SYNE2: variants seen among roughly 807,000 people sequenced by gnomAD.
SYNE2 encodes the protein spectrin repeat containing nuclear envelope protein 2.
In SYNE2, 431 loss-of-function variants were observed where a neutral mutation model predicts 856.3. That is an observed-to-expected ratio of 0.50 (90% CI 0.47 to 0.55). SYNE2 has a LOEUF of 0.55. SYNE2 is among the 20% of genes least tolerant of loss of function. SYNE2 has a pLI of 0.00. For missense variants in SYNE2, 8,129 were observed against 8,023.2 expected, an observed-to-expected ratio of 1.01 and a Z score of -0.50; for synonymous variants, 2,923 against 2,872.3, an observed-to-expected ratio of 1.02 and a Z score of -0.56.
rs746666363 is a variant in SYNE2 at position 64,091,141 on chromosome 14, C to A, written c.11976+93C>A. On this transcript the variant is annotated intron_variant, in intron 60 of 115. Coordinates refer to ENST00000555002, the MANE Select transcript of SYNE2 (RefSeq NM_182914.3). ...ACTTCTAATTGAAATTCATTATTATCCTATTATTGTAGGAGGTGGCATTTG... is the reference window on the plus strand; with the variant it reads ...ACTTCTAATTGAAATTCATTATTATACTATTATTGTAGGAGGTGGCATTTG... The A allele has an allele frequency of 8.7e-4, 1,036 of 1,187,634 alleles. 2 individuals are homozygous for A. Among genetic ancestry groups the A allele is most frequent in the Non-Finnish European group, 1.1e-3 (916 of 816,336 alleles). 73.6% of individuals were successfully genotyped at this position (1,187,634 alleles called of 1,614,324 possible).
chr14:64,003,444 C>A, intron 30 of SYNE2, 114 bp downstream of exon 30: 1 of 1,060,738 alleles, frequency 9.4e-7, no homozygotes, highest in Non-Finnish European at 1.3e-6. Context: ...CCATCCCACT[C>A]TATTCAGTGT....
chr14:63,913,548 C>T (rs1204019288), intron 2 of SYNE2, among the ~76,000 whole-genome samples: 7 of 151,104 alleles, frequency 4.6e-5, no homozygotes, highest in Admixed American at 1.3e-4. Context: ...CTGCAACCTC[C>T]GCCTCCAGAG....
Position 64,146,149 on chromosome 14 carries a change from C to A in SYNE2, c.15565C>A (p.Gln5189Lys). The A allele has an allele frequency of 1.2e-6, 2 of 1,612,364 alleles. No individual in the cohort carries two copies. Among genetic ancestry groups the A allele is most frequent in the Non-Finnish European group, 1.7e-6 (2 of 1,179,284 alleles). ...GATCTTGAACAACTGGCTGGAAGCA[C>A]AAGAAGAGAGACTGAAAACTTTACA... ...IQILNNWLEAQEERLKTLQKP... is the reference protein window; with the variant it reads ...IQILNNWLEAKEERLKTLQKP... Residue 5189 changes from glutamine to lysine, a missense_variant, in exon 84 of 116, where the codon CAA (glutamine) becomes AAA (lysine). This residue lies in a region of SYNE2 where 5,410 missense variants were observed against 5,284.8 expected (regional missense o/e 1.02). Coordinates refer to ENST00000555002, the MANE Select transcript of SYNE2 (RefSeq NM_182914.3).
At chr14:64,139,683 G>A (rs1359851519) in intron 79 of SYNE2, among the ~76,000 whole-genome samples, 3 of 152,126 alleles carry the variant, frequency 2.0e-5, no homozygotes, top group African/African-American at 7.2e-5. Flanking sequence ...AAAGTGCTGG[G>A]ATTACAGGCA....
At chr14:63,837,918 C>CAAAAAAAAAAAA (rs34952817) in intron 1 of SYNE2, among the ~76,000 whole-genome samples, 1 of 62,194 alleles carries the variant, frequency 1.6e-5, no homozygotes, top group Admixed American at 2.4e-4. Context: ...GACTCTGTTT[C>CAAAAAAAAAAAA]AAAAAAAAAA....
intron 1 of SYNE2, among the ~76,000 whole-genome samples, chr14:63,824,860 G>C (rs1889360968): frequency 6.6e-6 from 1 of 151,956 alleles, no homozygotes; most frequent in South Asian, 2.1e-4. Context: ...AGATGCCTGG[G>C]CGCAGACTCA....
chr14:64,084,998 A>G (rs967682018), intron 57 of SYNE2: 19 of 702,212 alleles, frequency 2.7e-5, no homozygotes, highest in Admixed American at 2.6e-4. Context: ...TCTGCCTCAC[A>G]CCATGGCAGC....
intron 83 of SYNE2, among the ~76,000 whole-genome samples, chr14:64,145,507 CAAA>C (rs58238268): frequency 1.1e-5 from 1 of 93,716 alleles, no homozygotes; most frequent in Non-Finnish European, 2.5e-5. Flanking sequence ...GACTCCGTCT[CAAA>C]AAAAAAAAAA....
upstream of SYNE2, chr14:63,848,330 TTA>T (rs1890300638): frequency 6.6e-6 from 1 of 152,274 alleles, no homozygotes; most frequent in African/African-American, 2.4e-5. Flanking sequence ...TTGTGATCAA[TTA>T]GTTGTAAACA....
intron 78 of SYNE2, among the ~76,000 whole-genome samples, chr14:64,134,858 G>A (rs953359777): frequency 6.6e-6 from 1 of 151,866 alleles, no homozygotes; most frequent in Non-Finnish European, 1.5e-5. Flanking sequence ...ATGGCGGCAT[G>A]TGCCTGTAAT....
intron 1 of SYNE2, among the ~76,000 whole-genome samples, chr14:63,874,159 A>G (rs8016321): frequency 0.45 from 68,124 of 151,944 alleles, 16,055 homozygotes; most frequent in South Asian, 0.55. Flanking sequence ...GATTGCTTGC[A>G]TTACGTATCT....
intron 1 of SYNE2, among the ~76,000 whole-genome samples, chr14:63,855,639 A>G (rs1033402313): frequency 3.3e-5 from 5 of 152,006 alleles, no homozygotes; most frequent in Non-Finnish European, 7.4e-5. Context: ...CTAACCTCCA[A>G]ATTTAAAATC....
chr14:64,022,906 A>G, intron 38 of SYNE2, 43 bp downstream of exon 38: 1 of 1,016,818 alleles, frequency 9.8e-7, no homozygotes, highest in Non-Finnish European at 1.5e-6. Flanking sequence ...TTTCAATACT[A>G]AAATACTGGA....
chr14:64,031,732 CATA>C (rs1318217321), intron 45 of SYNE2, among the ~76,000 whole-genome samples: 10 of 152,222 alleles, frequency 6.6e-5, no homozygotes, highest in Non-Finnish European at 7.3e-5. Context: ...GGGTTGATTT[CATA>C]ATAAAATCAG....
At chr14:64,163,937 T>G (rs1199659810) in intron 89 of SYNE2, among the ~76,000 whole-genome samples, 2 of 152,118 alleles carry the variant, frequency 1.3e-5, no homozygotes, top group Non-Finnish European at 2.9e-5. Flanking sequence ...TTTTTTATTT[T>G]GAGACAGACT....
At chr14:63,937,003 A>G (rs2095842219) in intron 2 of SYNE2, among the ~76,000 whole-genome samples, 1 of 152,126 alleles carries the variant, frequency 6.6e-6, no homozygotes, top group Non-Finnish European at 1.5e-5. Context: ...GAAAATCAGG[A>G]GTCTGGTTCC....
chr14:64,103,041 C>T (rs532868405), intron 64 of SYNE2, among the ~76,000 whole-genome samples: 7 of 152,268 alleles, frequency 4.6e-5, no homozygotes, highest in African/African-American at 1.7e-4. Context: ...TGTTCTTTCT[C>T]CATTCATCAG....
At chr14:64,078,726 A>C (rs2097491888) in intron 55 of SYNE2, 120 bp downstream of exon 55, 3 of 1,240,540 alleles carry the variant, frequency 2.4e-6, no homozygotes, top group Non-Finnish European at 3.5e-6. Context: ...TTGTAAACCA[A>C]ATCCACAGGG....
At chr14:63,983,068 CAT>C (rs2096598799) in intron 17 of SYNE2, among the ~76,000 whole-genome samples, 1 of 152,132 alleles carries the variant, frequency 6.6e-6, no homozygotes, top group Non-Finnish European at 1.5e-5. Context: ...ATAATGAAAT[CAT>C]ATAATATGTG....
Sources: gnomAD v4.1 joint callset for allele counts (sites outside exome capture counted in the v4.1 genomes callset) on GRCh38, gnomAD v4.1.1 for gene constraint, gnomAD v4.1.1 regional missense constraint, MANE v1.5 for transcripts, NCBI Gene and HGNC (gene_info 2026-07-23, HGNC 2026-07-21) for gene names.